The following CDYL variants were observed in gnomAD, a reference collection of about 807,000 sequenced individuals.
CDYL encodes the protein chromodomain Y like, also known as chromodomain Y-like protein.
CDYL carries 8 observed loss-of-function variants against 47.3 expected under a neutral mutation model. That is an observed-to-expected ratio of 0.17 (90% CI 0.10 to 0.31). The LOEUF is 0.31. CDYL is among the 10% of genes least tolerant of loss of function. The probability of loss-of-function intolerance (pLI) is 1.00; values close to 1 mark genes in which losing one functional copy is unlikely to be tolerated. For synonymous variants in CDYL, 266 were observed against 265.0 expected, an observed-to-expected ratio of 1.00 and a Z score of -0.04; for missense variants, 471 against 701.4, an observed-to-expected ratio of 0.67 and a Z score of 3.71.
At chr6:4,889,466 G>A (rs866178194) in intron 1 of CDYL, among the ~76,000 whole-genome samples, 16 of 151,776 alleles carry the variant, frequency 1.1e-4, no homozygotes, top group Non-Finnish European at 2.4e-4. Context: ...CTCGTGATCC[G>A]CCCGCCTTGG....
At chr6:4,773,240 G>C (rs1032430156), upstream of CDYL, 2 of 456,882 alleles carry the variant, frequency 4.4e-6, no homozygotes, top group South Asian at 1.5e-5. This position sits in a 1 kb window ranked among gnomAD's most constrained non-coding sequence, Gnocchi z 4.6. Flanking sequence ...CGTCTCTCTT[G>C]TTGACCACTT....
intron 1 of CDYL, among the ~76,000 whole-genome samples, chr6:4,786,470 T>G (rs1204130799): frequency 2.0e-5 from 3 of 152,174 alleles, no homozygotes; most frequent in African/African-American, 4.8e-5. Context: ...AGGCATTAGC[T>G]GATCTGGTGA....
intron 1 of CDYL, among the ~76,000 whole-genome samples, chr6:4,821,260 C>CTTTTTTTTTTTTTT (rs1176819548): frequency 6.6e-5 from 4 of 60,380 alleles, no homozygotes; most frequent in African/African-American, 2.2e-4. Context: ...TATGGGAATT[C>CTTTTTTTTTTTTTT]TTTTTTTTTT....
intron 1 of CDYL, among the ~76,000 whole-genome samples, chr6:4,869,668 C>T (rs950814196): frequency 3.3e-5 from 5 of 151,984 alleles, no homozygotes; most frequent in African/African-American, 9.7e-5. Context: ...TTATCGCAGC[C>T]CGCTTGGGAT....
At chr6:4,886,970 A>G (rs1761915880) in intron 1 of CDYL, among the ~76,000 whole-genome samples, 1 of 152,218 alleles carries the variant, frequency 6.6e-6, no homozygotes, top group Admixed American at 6.5e-5. Flanking sequence ...TTCCCCATGG[A>G]ATGGTAGTGA....
chr6:4,836,627 T>C (rs1483043897), intron 1 of CDYL, among the ~76,000 whole-genome samples: 2 of 152,202 alleles, frequency 1.3e-5, no homozygotes, highest in African/African-American at 4.8e-5. Flanking sequence ...CAATAGATAA[T>C]TACAGCCTTA....
chr6:4,753,131 C>T (rs1053243026), intron 3 of CDYL, among the ~76,000 whole-genome samples: 2 of 152,016 alleles, frequency 1.3e-5, no homozygotes, highest in Non-Finnish European at 2.9e-5. Flanking sequence ...GGGCTGGACT[C>T]GAACTCCTGA....
At chr6:4,869,420 G>T (rs1228844811) in intron 1 of CDYL, among the ~76,000 whole-genome samples, 1 of 152,032 alleles carries the variant, frequency 6.6e-6, no homozygotes, top group Non-Finnish European at 1.5e-5. Context: ...TCTGCATTTA[G>T]TTAGGAGTGT....
In CDYL at chr6:4,913,805, A is replaced by G. The variant is rs549261719; in HGVS notation, c.691+21426A>G. Among the ~76,000 whole-genome samples, 25 of 152,384 alleles carry G rather than the reference A, an allele frequency of 1.6e-4. No homozygotes were observed. In the South Asian group the frequency reaches 3.9e-3, roughly 24 times the overall value. On this transcript the variant is annotated intron_variant, in intron 2 of 6. Transcript: ENST00000397588. ...TTGTAGCCTGAAAGCAGCCAAAGAC[A>G]ACAGGTAAACAAATGAACGTGGCTT... is the stretch of plus-strand genomic sequence containing the variant.
intron 1 of CDYL, among the ~76,000 whole-genome samples, chr6:4,871,039 T>C (rs572679065): frequency 6.6e-6 from 1 of 152,300 alleles, no homozygotes; most frequent in Non-Finnish European, 1.5e-5. Context: ...TTTCCTGGTG[T>C]TTTGTTTTCA....
chr6:4,893,137 T>C (rs1223298063), intron 2 of CDYL, among the ~76,000 whole-genome samples: 1 of 152,248 alleles, frequency 6.6e-6, no homozygotes, highest in Non-Finnish European at 1.5e-5. Context: ...AGCTTTCTAA[T>C]AGGGCTTCCT....
upstream of CDYL, among the ~76,000 whole-genome samples, chr6:4,775,825 G>A (rs1342922320): frequency 6.6e-6 from 1 of 150,438 alleles, no homozygotes; most frequent in Non-Finnish European, 1.5e-5. This position sits in a 1 kb window ranked among gnomAD's most constrained non-coding sequence, Gnocchi z 7.0. Flanking sequence ...GCCCTTCGCG[G>A]GCTGGCCCGG....
chr6:4,842,120 A>C (rs1002074909), intron 1 of CDYL, among the ~76,000 whole-genome samples: 4 of 143,588 alleles, frequency 2.8e-5, no homozygotes, highest in Non-Finnish European at 4.6e-5. Flanking sequence ...ATTTATATAT[A>C]AACTTGTTAA....
At chr6:4,821,248 CAT>C (rs1759825827) in intron 1 of CDYL, among the ~76,000 whole-genome samples, 1 of 135,666 alleles carries the variant, frequency 7.4e-6, no homozygotes, top group South Asian at 2.5e-4. Flanking sequence ...TTATCATGGT[CAT>C]ATGGGAATTC....
At chr6:4,945,696 T>C (rs1348551648) in intron 5 of CDYL, among the ~76,000 whole-genome samples, 1 of 152,256 alleles carries the variant, frequency 6.6e-6, no homozygotes. Context: ...CAGAAAACGC[T>C]GCTGCCCACC....
chr6:4,905,903 A>G (rs1359906155), intron 2 of CDYL, among the ~76,000 whole-genome samples: 1 of 152,268 alleles, frequency 6.6e-6, no homozygotes, highest in Non-Finnish European at 1.5e-5. Flanking sequence ...CCACATAAAC[A>G]TACATTTCAC....
At chr6:4,862,360 A>G (rs555426226) in intron 1 of CDYL, among the ~76,000 whole-genome samples, 6 of 152,296 alleles carry the variant, frequency 3.9e-5, no homozygotes, top group South Asian at 4.1e-4. Context: ...GCTTAAGCCT[A>G]TAAAGTAGGC....
At chr6:4,867,038 G>A (rs1216655170) in intron 1 of CDYL, among the ~76,000 whole-genome samples, 6 of 151,974 alleles carry the variant, frequency 3.9e-5, no homozygotes, top group African/African-American at 7.2e-5. Context: ...ATCATCAGTC[G>A]CCTAGCATTA....
intron 1 of CDYL, among the ~76,000 whole-genome samples, chr6:4,790,059 T>G (rs1758877026): frequency 6.6e-6 from 1 of 152,142 alleles, no homozygotes; most frequent in Non-Finnish European, 1.5e-5. Context: ...TAGGCTGGTG[T>G]TGTGTGGATA....
Sources: gnomAD v4.1 joint callset for allele counts (sites outside exome capture counted in the v4.1 genomes callset) on GRCh38, gnomAD v4.1.1 for gene constraint, Gnocchi (gnomAD v3.1) non-coding constraint, MANE v1.5 for transcripts, NCBI Gene and HGNC (gene_info 2026-07-23, HGNC 2026-07-21) for gene names.